RBMX2: variants seen among roughly 807,000 people sequenced by gnomAD.
The protein encoded by RBMX2 is RNA binding motif protein X-linked 2.
For synonymous variants in RBMX2, 77 were observed against 94.3 expected, an observed-to-expected ratio of 0.82 and a Z score of 1.07; for missense variants, 191 against 256.0, an observed-to-expected ratio of 0.75 and a Z score of 1.73.
chrX:130,402,458 C>A, intron 2 of RBMX2, 88 bp downstream of exon 2: 1 of 1,120,507 alleles, frequency 8.9e-7, no homozygotes, highest in Non-Finnish European at 1.2e-6. Flanking sequence ...TTCACTCCTG[C>A]TTACATTCAT....
rs772887217 is a variant in RBMX2, at chrX:130,412,222, G to A, written c.482-139G>A. 36 of 836,002 alleles carry A rather than the reference G, an allele frequency of 4.3e-5. No individual in the cohort carries two copies. In the South Asian group the frequency reaches 9.4e-4, roughly 22 times the overall value. The allele number at this position is 836,002 out of a possible 1,213,427, so 68.9% of individuals were successfully genotyped here. ...ATTACAGGCGTGAGCCACCGCACCC[G>A]GCTGTGAATGTTTTTGAACTGTAGC... On this transcript the variant is annotated intron_variant, in intron 5 of 5. Transcript: ENST00000305536.
chrX:130,409,682 A>G (rs1291865709), intron 4 of RBMX2, among the ~76,000 whole-genome samples: 1 of 111,438 alleles, frequency 9.0e-6, no homozygotes, highest in Admixed American at 9.5e-5. Flanking sequence ...TTTATTGTCT[A>G]CTGTCATCTC....
chrX:130,412,752 T>C lies in RBMX2; in HGVS notation c.873T>C (p.Ser291=). 8.3e-7 allele frequency: 1 copy of C among 1,210,694 alleles called. No individual in the cohort carries two copies. Residue 291 remains serine (S), a synonymous_variant, in exon 6 of 6, where the codon AGT becomes AGC. Transcript: ENST00000305536. ...GTTCTGAAGGGCGTAGTTATAGAAG[T>C]AGAAGTAGGAGCCGAGATAAATCCC... The part of the protein sequence containing the change: ...NGRSEGRSYR[S]RSRSRDKSHR...
chrX:130,402,230 C>CA, intron 1 of RBMX2, 25 bp from the exon 2 acceptor site: 5 of 776,107 alleles, frequency 6.4e-6, no homozygotes, highest in Admixed American at 2.8e-5. Flanking sequence ...TGCCTACCCT[C>CA]CCCACCCCCC....
Position 130,412,722 on chromosome X carries a change from T to G in RBMX2, c.843T>G (p.Asn281Lys). Reference sequence around the variant, plus strand: ...CAGATGCACATTCTAGCTGGTATAATGGGCGTTCTGAAGGGCGTAGTTATA... The same window carrying G: ...CAGATGCACATTCTAGCTGGTATAAGGGGCGTTCTGAAGGGCGTAGTTATA... ...RSSDAHSSWY[N>K]GRSEGRSYRS... The change falls in exon 6 of 6, where the codon AAT becomes AAG. Residue 281 changes from asparagine (N) to lysine (K), a missense_variant. Asn to Lys is a moderately conservative substitution (Grantham distance 94). Coordinates refer to ENST00000305536, the MANE Select transcript of RBMX2 (RefSeq NM_016024.4). 1.7e-6 allele frequency: 2 copies of G among 1,210,755 alleles called. No homozygotes were observed. The highest frequency in any genetic ancestry group is 3.5e-5 in the African/African-American group (2 of 57,463).
At chrX:130,408,614 G>A (rs1452102806) in intron 3 of RBMX2, among the ~76,000 whole-genome samples, 1 of 110,817 alleles carries the variant, frequency 9.0e-6, no homozygotes, top group East Asian at 2.8e-4. Context: ...ATTATAACTG[G>A]AAACATGGTC....
intron 3 of RBMX2, chrX:130,404,572 G>A (rs2034474716): frequency 8.9e-6 from 1 of 112,611 alleles, no homozygotes; most frequent in African/African-American, 3.2e-5. Flanking sequence ...TTTGGGTTTT[G>A]TAGTCCTTGG....
At chrX:130,409,635 C>T (rs1357650329) in intron 4 of RBMX2, among the ~76,000 whole-genome samples, 1 of 111,782 alleles carries the variant, frequency 8.9e-6, no homozygotes, top group African/African-American at 3.3e-5. Context: ...AGGCACCAGG[C>T]CTGCCTCTCA....
chrX:130,402,020 C>G lies in RBMX2; in HGVS notation c.-13C>G. The G allele has an allele frequency of 2.5e-6, 3 of 1,197,312 alleles. No individual in the cohort carries two copies. Among genetic ancestry groups the G allele is most frequent in the Non-Finnish European group, 3.4e-6 (3 of 888,194 alleles). On this transcript the variant is annotated 5_prime_UTR_variant, in exon 1 of 6. Coordinates refer to ENST00000305536, the MANE Select transcript of RBMX2 (RefSeq NM_016024.4). Reference sequence around the variant, plus strand: ...GGCGCTGATTCCTGAGTGCTGAGCGCGAACCCGAGGAGATGAAGTAAGGCG... The same window carrying G: ...GGCGCTGATTCCTGAGTGCTGAGCGGGAACCCGAGGAGATGAAGTAAGGCG...
intron 3 of RBMX2, among the ~76,000 whole-genome samples, chrX:130,407,298 G>A (rs928197724): frequency 9.0e-6 from 1 of 111,477 alleles, no homozygotes; most frequent in African/African-American, 3.3e-5. Context: ...TGACACCCAC[G>A]CTGGAGTGCA....
intron 3 of RBMX2, among the ~76,000 whole-genome samples, chrX:130,405,589 A>G (rs747567829): frequency 9.0e-6 from 1 of 111,044 alleles, no homozygotes; most frequent in Admixed American, 9.6e-5. Context: ...TATGAATTAT[A>G]CTGCAATGTA....
At position 130,407,713 on chromosome X, in the gene RBMX2, A is replaced by C. The variant is rs749524554; in HGVS notation, c.174-1544A>C. 8.5e-5 allele frequency among the ~76,000 whole-genome samples: 9 copies of C among 105,760 alleles called. No individual in the cohort carries two copies. In the East Asian group the frequency reaches 2.6e-3, roughly 31 times the overall value. The allele number at this position is 105,760 out of a possible 115,157, so 91.8% of individuals were successfully genotyped here. On this transcript the variant is annotated intron_variant, in intron 3 of 5. Coordinates refer to ENST00000305536, the MANE Select transcript of RBMX2 (RefSeq NM_016024.4). ...TCTCTCTTGCTCAGGTTTGGAGTGC[A>C]GTGGCATGATCCTAGCTCACTGCAG...
intron 2 of RBMX2, 81 bp from the exon 3 acceptor site, chrX:130,403,721 C>T: frequency 1.1e-6 from 1 of 915,133 alleles, no homozygotes; most frequent in Non-Finnish European, 1.6e-6. Context: ...TGTTTCCACC[C>T]CTAGTGCCTG....
intron 1 of RBMX2, 57 bp from the exon 2 acceptor site, chrX:130,402,198 C>G: frequency 8.5e-7 from 1 of 1,178,802 alleles, no homozygotes; most frequent in Non-Finnish European, 1.1e-6. Flanking sequence ...CCGGCCGGTT[C>G]GCACTTACTT....
At chrX:130,402,225 A>ACCCAAACC in intron 1 of RBMX2, 30 bp from the exon 2 acceptor site, 6 of 984,776 alleles carry the variant, frequency 6.1e-6, no homozygotes, top group Non-Finnish European at 8.4e-6. Context: ...TTTTCTGCCT[A>ACCCAAACC]CCCTCCCCAC....
At chrX:130,403,204 A>G (rs1294941306) in intron 2 of RBMX2, among the ~76,000 whole-genome samples, 1 of 112,095 alleles carries the variant, frequency 8.9e-6, no homozygotes, top group Non-Finnish European at 1.9e-5. Flanking sequence ...TTTGTGATGG[A>G]AACTATCTGC....
intron 1 of RBMX2, 74 bp from the exon 2 acceptor site, chrX:130,402,181 C>T: frequency 8.6e-7 from 1 of 1,169,049 alleles, no homozygotes; most frequent in Non-Finnish European, 1.1e-6. Context: ...TTTGCTCTTC[C>T]TCAGCTCCGG....
chrX:130,402,219 C>T (rs770544349), intron 1 of RBMX2, 36 bp from the exon 2 acceptor site: 3 of 1,188,500 alleles, frequency 2.5e-6, no homozygotes, highest in African/African-American at 3.5e-5. Context: ...GTCTGCTTTT[C>T]TGCCTACCCT....
At chrX:130,410,387 T>G (rs1159419062) in intron 4 of RBMX2, among the ~76,000 whole-genome samples, 1 of 107,889 alleles carries the variant, frequency 9.3e-6, no homozygotes, top group Non-Finnish European at 1.9e-5. Flanking sequence ...GTGTTAATTT[T>G]TTGGGGGGTG....
Sources: allele counts gnomAD v4.1 joint callset (sites outside exome capture counted in the v4.1 genomes callset), GRCh38; gene constraint gnomAD v4.1.1; transcripts MANE v1.5; gene names NCBI Gene and HGNC (gene_info 2026-07-23, HGNC 2026-07-21).